ACOX1: variants seen among roughly 807,000 people sequenced by gnomAD.
ACOX1 encodes the protein acyl-CoA oxidase 1, also known as peroxisomal acyl-coenzyme A oxidase 1.
In ACOX1, 41 loss-of-function variants were observed where a neutral mutation model predicts 75.5. The observed-to-expected ratio is 0.54, with a 90% CI of 0.42 to 0.70. ACOX1 has a LOEUF of 0.70. Ranked by LOEUF, ACOX1 falls within the 30% of genes least tolerant of loss-of-function variation. The pLI is 0.00. For missense variants in ACOX1, 630 were observed against 837.5 expected, an observed-to-expected ratio of 0.75 and a Z score of 3.06; for synonymous variants, 303 against 298.8, an observed-to-expected ratio of 1.01 and a Z score of -0.15.
Position 75,960,123 on chromosome 17 carries a change from G to C in ACOX1, c.430+92C>G. The C allele has an allele frequency of 6.6e-7, 1 of 1,514,286 alleles. No individual in the cohort carries two copies. The allele number at this position is 1,514,286 out of a possible 1,614,324, so 93.8% of individuals were successfully genotyped here. A position where few individuals can be genotyped will look rare whatever the true frequency, so the allele number is the denominator to read the frequency against. Reference sequence around the variant, plus strand: ...TCATTTAAACAGACCATAGAACATCGACACACCATCGATGGCACATGGTGG... The same window carrying C: ...TCATTTAAACAGACCATAGAACATCCACACACCATCGATGGCACATGGTGG... On this transcript the variant is annotated intron_variant, in intron 3 of 13. Transcript: ENST00000293217. The surrounding 1 kb of genome is among the most constrained non-coding windows in gnomAD (Gnocchi z 4.4).
intron 6 of ACOX1, among the ~76,000 whole-genome samples, chr17:75,953,878 T>C (rs1312668073): frequency 6.6e-6 from 1 of 152,244 alleles, no homozygotes; most frequent in Non-Finnish European, 1.5e-5. Context: ...CAAATCAAAA[T>C]ATGTCCTTCA....
intron 2 of ACOX1, among the ~76,000 whole-genome samples, chr17:75,968,922 CAA>C (rs34391774): frequency 2.9e-3 from 337 of 115,154 alleles, no homozygotes; most frequent in African/African-American, 3.8e-3. Context: ...AACTCCGTCT[CAA>C]AAAAAAAAAA....
rs149966418 is a variant in ACOX1 at position 75,957,468 on chromosome 17, G to C, written c.529C>G (p.Pro177Ala). 5.6e-6 allele frequency: 9 copies of C among 1,613,124 alleles called. No homozygotes were observed. In the African/African-American group the frequency reaches 1.1e-4, roughly 19 times the overall value. ...SPTVTSIKWW[P>A]GGLGKTSNHA... The stretch of plus-strand genomic sequence containing the variant: ...TGAAAAATTCACTTACGCCCACCAG[G>C]CCACCATTTAATGGAGGTCACAGTA... Residue 177 changes from proline (P) to alanine (A), a missense_variant, in exon 4 of 14, where the codon CCT becomes GCT. Transcript: ENST00000293217.
chr17:75,973,759 G>A, intron 2 of ACOX1: 1 of 1,614,144 alleles, frequency 6.2e-7, no homozygotes, highest in Non-Finnish European at 8.5e-7. Flanking sequence ...GAGGCCCACA[G>A]GTTCCACAAA....
rs1364229052 is a variant in ACOX1 at position 75,945,109 on chromosome 17, TCTC to T, written c.*1636_*1638del. The T allele has an allele frequency of 6.6e-6, 1 of 152,104 alleles. No homozygotes were observed. Among genetic ancestry groups the T allele is most frequent in the Non-Finnish European group, 1.5e-5 (1 of 68,024 alleles). The allele number at this position is 152,104 out of a possible 1,614,324, so 9.4% of individuals were successfully genotyped here. The stretch of plus-strand genomic sequence containing the variant: ...CAAAGGGGGCTCTGCAGGTCGATGA[TCTC>T]CTCAAACCTGCAAAGACATCCCATC... On this transcript the variant is annotated 3_prime_UTR_variant, in exon 14 of 14. Coordinates refer to ENST00000293217, the MANE Select transcript of ACOX1 (RefSeq NM_004035.7).
At chr17:75,971,274 A>G (rs1428003225) in intron 2 of ACOX1, among the ~76,000 whole-genome samples, 1 of 149,716 alleles carries the variant, frequency 6.7e-6, no homozygotes, top group Non-Finnish European at 1.5e-5. Flanking sequence ...CTGGGCAACA[A>G]GAGCAAAACT....
chr17:75,964,178 C>CAAAAAAA (rs60919786), intron 2 of ACOX1, among the ~76,000 whole-genome samples: 1 of 84,504 alleles, frequency 1.2e-5, no homozygotes, highest in Non-Finnish European at 2.5e-5. Flanking sequence ...GACTCCATCT[C>CAAAAAAA]AAAAAAAAAA....
chr17:75,978,796 G>C lies in ACOX1; in HGVS notation c.110-103C>G. 6.2e-7 allele frequency: 1 copy of C among 1,606,230 alleles called. No individual in the cohort carries two copies. The highest frequency in any genetic ancestry group is 1.1e-5 in the South Asian group (1 of 90,572). On this transcript the variant is annotated intron_variant, in intron 1 of 13. Transcript: ENST00000293217. The surrounding 1 kb of genome is among the most constrained non-coding windows in gnomAD (Gnocchi z 4.2). ...CTTCAGAGTCGCGGACACACCTGGG[G>C]AATGGCGATATCCCCCCACCAGGGA... is the stretch of plus-strand genomic sequence containing the variant.
intron 12 of ACOX1, 78 bp from the exon 13 acceptor site, chr17:75,948,535 A>G: frequency 8.1e-7 from 1 of 1,240,092 alleles, no homozygotes; most frequent in Non-Finnish European, 1.1e-6. Context: ...TACAGCTATA[A>G]AGCGGATGAC....
chr17:75,955,844 G>C lies in ACOX1; in HGVS notation c.642C>G (p.Thr214=). ...AFIVPIREIG[T]HKPLPGITVG... is the part of the protein sequence containing the mutation. ...AGTTCTTACCTGGCAAAGGCTTATG[G>C]GTCCCGATTTCACGAATAGGTACGA... The change falls in exon 5 of 14, where the codon ACC becomes ACG. Residue 214 remains threonine, a synonymous_variant. Transcript: ENST00000293217. The C allele has an allele frequency of 6.2e-7, 1 of 1,614,054 alleles. No individual in the cohort carries two copies. Among genetic ancestry groups the C allele is most frequent in the East Asian group, 2.2e-5 (1 of 44,880 alleles).
intron 2 of ACOX1, among the ~76,000 whole-genome samples, chr17:75,966,947 T>C (rs182059948): frequency 3.2e-4 from 48 of 150,856 alleles, no homozygotes; most frequent in Admixed American, 2.2e-3. Context: ...AAGGACATAA[T>C]GGGAATAAGA....
At chr17:75,947,359 T>C (rs973271667) in intron 13 of ACOX1, among the ~76,000 whole-genome samples, 1 of 151,062 alleles carries the variant, frequency 6.6e-6, no homozygotes, top group South Asian at 2.1e-4. Context: ...GCAATTCTCC[T>C]GTCTCAGCCT....
chr17:75,949,086 C>G (rs531915287), intron 12 of ACOX1, 131 bp downstream of exon 12: 2 of 1,039,090 alleles, frequency 1.9e-6, no homozygotes, highest in Non-Finnish European at 2.9e-6. Context: ...GAACTCCTGA[C>G]CTCAAGTGAT....
chr17:75,964,868 C>A (rs1389827136), intron 2 of ACOX1, among the ~76,000 whole-genome samples: 2 of 152,030 alleles, frequency 1.3e-5, no homozygotes, highest in East Asian at 3.8e-4. Context: ...TGATACAAGG[C>A]TGGAAAGGCT....
chr17:75,967,635 CA>C (rs1419043631), intron 2 of ACOX1, among the ~76,000 whole-genome samples: 1 of 111,470 alleles, frequency 9.0e-6, no homozygotes, highest in Non-Finnish European at 1.8e-5. Flanking sequence ...TATATACATA[CA>C]TATATATACG....
At chr17:75,959,610 G>A (rs896924770) in intron 3 of ACOX1, among the ~76,000 whole-genome samples, 9 of 152,136 alleles carry the variant, frequency 5.9e-5, no homozygotes, top group African/African-American at 1.4e-4. Context: ...GCAGGTGGGG[G>A]GTGGAAAGAT....
chr17:75,951,098 C>T, intron 8 of ACOX1, 134 bp from the exon 9 acceptor site: 1 of 972,408 alleles, frequency 1.0e-6, no homozygotes, highest in Admixed American at 2.0e-5. Context: ...ACTGAAGAAG[C>T]ACAGCTGTCC....
rs1402135392 is a variant in ACOX1 at position 75,979,151 on chromosome 17, C to G, written c.-78G>C. On this transcript the variant is annotated 5_prime_UTR_variant, in exon 1 of 14. Transcript: ENST00000293217. Reference sequence around the variant, plus strand: ...TCTAAATCCGCAGCTCCAGCGCCGGCCGGACCCTAGGAGGCAGCCTCAGGA... The same window carrying G: ...TCTAAATCCGCAGCTCCAGCGCCGGGCGGACCCTAGGAGGCAGCCTCAGGA... 6.4e-6 allele frequency: 10 copies of G among 1,567,564 alleles called. No individual in the cohort carries two copies. In the South Asian group the frequency reaches 1.1e-4, roughly 18 times the overall value.
In ACOX1 at chr17:75,942,637, C is replaced by T. The variant is rs897051989; in HGVS notation, c.*4111G>A. On this transcript the variant is annotated 3_prime_UTR_variant, in exon 14 of 14. Transcript: ENST00000293217. ...ATCAACAAGACTCTTGGTCTCAGGT[C>T]ATCAGTTTCCTGGCACTCCTCCTCT... 1 of 152,026 alleles carries T rather than the reference C, an allele frequency of 6.6e-6. No individual in the cohort carries two copies. Among genetic ancestry groups the T allele is most frequent in the African/African-American group, 2.4e-5 (1 of 41,382 alleles). The allele number at this position is 152,026 out of a possible 1,614,324, so 9.4% of individuals were successfully genotyped here.
Sources: gnomAD v4.1 joint callset for allele counts (sites outside exome capture counted in the v4.1 genomes callset) on GRCh38, gnomAD v4.1.1 for gene constraint, Gnocchi (gnomAD v3.1) non-coding constraint, MANE v1.5 for transcripts, NCBI Gene and HGNC (gene_info 2026-07-23, HGNC 2026-07-21) for gene names.